Variants in PCDHGB2 observed in about 807,000 individuals in gnomAD.
PCDHGB2 encodes protocadherin gamma-B2.
PCDHGB2 carries 55 observed loss-of-function variants against 59.3 expected under a neutral mutation model. The observed-to-expected ratio is 0.93, with a 90% CI of 0.75 to 1.16. The LOEUF is 1.16. Among genes scored for constraint, PCDHGB2 ranks in the 50% most tolerant of loss-of-function variants. The pLI, the probability that PCDHGB2 is intolerant of heterozygous loss-of-function variation, is 0.00. For synonymous variants in PCDHGB2, 516 were observed against 512.0 expected, an observed-to-expected ratio of 1.01 and a Z score of -0.11; for missense variants, 1,228 against 1,198.5, an observed-to-expected ratio of 1.02 and a Z score of -0.36.
At chr5:141,409,866 G>T in intron 1 of PCDHGB2, 1 of 1,612,376 alleles carries the variant, frequency 6.2e-7, no homozygotes, top group Non-Finnish European at 8.5e-7. Context: ...GTGGGAGACC[G>T]CAATGACAAC....
chr5:141,461,072 A>G (rs555905734), intron 1 of PCDHGB2, among the ~76,000 whole-genome samples: 2 of 151,574 alleles, frequency 1.3e-5, no homozygotes, highest in Non-Finnish European at 2.9e-5. Flanking sequence ...ACATTTTTGC[A>G]ATTGTGAATT....
intron 1 of PCDHGB2, chr5:141,422,258 A>G (rs2096637047): frequency 6.4e-7 from 1 of 1,565,282 alleles, no homozygotes; most frequent in East Asian, 2.2e-5. Flanking sequence ...GTGAATGATA[A>G]CGCTCCAGAA....
In PCDHGB2 at chr5:141,505,438, T is replaced by C. The variant is rs149352680; in HGVS notation, c.2526T>C (p.Phe842=). The C allele has an allele frequency of 6.8e-6, 11 of 1,614,046 alleles. No homozygotes were observed. The African/African-American group carries it at 1.5e-4, about 22-fold the overall frequency. The stretch of plus-strand genomic sequence containing the variant: ...CCGGCACCTGGCCCAACAACCAGTT[T>C]GACACAGAGATGCTGCAAGCCATGA... ...DDTGTWPNNQ[F]DTEMLQAMIL... Residue 842 remains phenylalanine, a synonymous_variant, in exon 3 of 4, where the codon TTT becomes TTC. Transcript: ENST00000522605.
chr5:141,447,018 G>GT (rs1329161304), intron 1 of PCDHGB2, among the ~76,000 whole-genome samples: 6 of 142,194 alleles, frequency 4.2e-5, no homozygotes, highest in African/African-American at 1.6e-4. Context: ...GTTCAGTTTT[G>GT]TTTTGTTTTT....
At chr5:141,472,745 G>A (rs931198460) in intron 1 of PCDHGB2, among the ~76,000 whole-genome samples, 4 of 152,038 alleles carry the variant, frequency 2.6e-5, no homozygotes, top group African/African-American at 9.7e-5. Flanking sequence ...CAGCACTTTG[G>A]GAGGCGGAGG....
chr5:141,423,484 A>G, intron 1 of PCDHGB2: 1 of 1,613,722 alleles, frequency 6.2e-7, no homozygotes, highest in Non-Finnish European at 8.5e-7. Flanking sequence ...TTTCCTGCAA[A>G]CCTATTCCCA....
intron 1 of PCDHGB2, among the ~76,000 whole-genome samples, chr5:141,406,069 C>G (rs72790037): frequency 0.11 from 16,670 of 145,514 alleles, 1,088 homozygotes; most frequent in African/African-American, 0.2. Flanking sequence ...AAAATTCTTA[C>G]TCCTTTTTTT....
At chr5:141,382,318 T>A (rs1233432296) in intron 1 of PCDHGB2, among the ~76,000 whole-genome samples, 1 of 152,250 alleles carries the variant, frequency 6.6e-6, no homozygotes, top group African/African-American at 2.4e-5. Context: ...TACACTGATG[T>A]AAATATTTTC....
At chr5:141,386,097 T>C (rs1216816786) in intron 1 of PCDHGB2, 9 of 152,236 alleles carry the variant, frequency 5.9e-5, no homozygotes, top group African/African-American at 2.2e-4. Flanking sequence ...AGATGAAGTG[T>C]GTCTGTGGGC....
At chr5:141,390,526 T>A (rs1405081511) in intron 1 of PCDHGB2, 1 of 548,156 alleles carries the variant, frequency 1.8e-6, no homozygotes, top group African/African-American at 1.9e-5. Flanking sequence ...AATGAGGGTG[T>A]GGTTTTAACC....
intron 1 of PCDHGB2, among the ~76,000 whole-genome samples, chr5:141,481,761 G>A (rs984825493): frequency 2.6e-5 from 4 of 152,234 alleles, no homozygotes; most frequent in Non-Finnish European, 2.9e-5. Context: ...AGACCAGCCT[G>A]GCCAACATGG....
intron 1 of PCDHGB2, among the ~76,000 whole-genome samples, chr5:141,424,973 G>A (rs2096851520): frequency 6.6e-6 from 1 of 152,108 alleles, no homozygotes; most frequent in African/African-American, 2.4e-5. Flanking sequence ...AAATTACTTG[G>A]ATATTTATGT....
At position 141,491,605 on chromosome 5, in the gene PCDHGB2, T is replaced by C; in HGVS notation, c.2422-3202T>C. On this transcript the variant is annotated intron_variant, in intron 1 of 3. Coordinates refer to ENST00000522605, the MANE Select transcript of PCDHGB2 (RefSeq NM_018923.3). This position sits in a 1 kb window ranked among gnomAD's most constrained non-coding sequence, Gnocchi z 6.9. Reference sequence around the variant, plus strand: ...GGCCTCGGACGGCAGTGACTTCACTTTTCTAAGACCCCTCAGCGTTCAGCA... The same window carrying C: ...GGCCTCGGACGGCAGTGACTTCACTCTTCTAAGACCCCTCAGCGTTCAGCA... 6.2e-7 allele frequency: 1 copy of C among 1,613,868 alleles called. No individual in the cohort carries two copies. Among genetic ancestry groups the C allele is most frequent in the East Asian group, 2.2e-5 (1 of 44,858 alleles).
intron 1 of PCDHGB2, chr5:141,392,678 G>A: frequency 1.1e-6 from 1 of 941,110 alleles, no homozygotes; most frequent in Non-Finnish European, 1.5e-6. Flanking sequence ...CTGCTGGACT[G>A]CAGCGAAACC....
intron 1 of PCDHGB2, chr5:141,399,986 G>A (rs1400468651): frequency 6.2e-7 from 1 of 1,612,408 alleles, no homozygotes; most frequent in East Asian, 2.2e-5. Context: ...CTGCGCACAG[G>A]AGAGGTGCGC....
intron 2 of PCDHGB2, among the ~76,000 whole-genome samples, chr5:141,495,644 A>G (rs767670166): frequency 5.3e-5 from 8 of 151,770 alleles, no homozygotes; most frequent in Non-Finnish European, 1.0e-4. Context: ...TCATTTGTCT[A>G]CTTGCATTGA....
At position 141,505,390 on chromosome 5, in the gene PCDHGB2, C is replaced by T; in HGVS notation, c.2481-3C>T. On this transcript the variant is annotated splice_polypyrimidine_tract_variant and splice_region_variant and intron_variant, in intron 2 of 3. Coordinates refer to ENST00000522605, the MANE Select transcript of PCDHGB2 (RefSeq NM_018923.3). ...TGTGCTCACCATCCTACTCTCTCCCCAGCTCCCAAAATGGCGATGACACCG... is the reference window on the plus strand; with the variant it reads ...TGTGCTCACCATCCTACTCTCTCCCTAGCTCCCAAAATGGCGATGACACCG... The T allele has an allele frequency of 6.2e-7, 1 of 1,614,130 alleles. No individual in the cohort carries two copies.
At chr5:141,410,419 T>TC (rs769125626) in intron 1 of PCDHGB2, 49 of 1,613,886 alleles carry the variant, frequency 3.0e-5, no homozygotes, top group Non-Finnish European at 3.6e-5. Context: ...GACCTGTAGT[T>TC]CCCCCCAACT....
At chr5:141,492,834 G>A (rs544218873) in intron 1 of PCDHGB2, among the ~76,000 whole-genome samples, 7 of 152,214 alleles carry the variant, frequency 4.6e-5, no homozygotes, top group African/African-American at 1.7e-4. Context: ...CCTTCCTCCC[G>A]CAGGAAGTGA....
Sources: allele counts gnomAD v4.1 joint callset (sites outside exome capture counted in the v4.1 genomes callset), GRCh38; gene constraint gnomAD v4.1.1; non-coding constraint Gnocchi (gnomAD v3.1); transcripts MANE v1.5; gene names NCBI Gene and HGNC (gene_info 2026-07-23, HGNC 2026-07-21).